MYT1L: variants seen among roughly 807,000 people sequenced by gnomAD.
The protein encoded by MYT1L is myelin transcription factor 1-like protein.
In MYT1L, 12 loss-of-function variants were observed where a neutral mutation model predicts 126.7. The ratio of observed to expected loss-of-function variants is 0.09; its 90% CI spans 0.06 to 0.15. The LOEUF (loss-of-function observed/expected upper bound fraction) is 0.15, where lower values mean the gene tolerates loss of function less well. Among genes scored for constraint, MYT1L ranks in the 10% least tolerant of loss-of-function variants. MYT1L has a pLI of 1.00. For missense variants in MYT1L, 979 were observed against 1,585.2 expected (o/e 0.62, Z 6.49); for synonymous variants, 541 against 604.2 (o/e 0.90, Z 1.53).
chr2:2,204,582 G>A (rs1345112078), intron 2 of MYT1L, among the ~76,000 whole-genome samples: 2 of 142,760 alleles, frequency 1.4e-5, no homozygotes, highest in Admixed American at 1.4e-4. Flanking sequence ...CCACCAGTTA[G>A]AATGGCAATC....
chr2:2,139,424 A>G (rs1488001959), intron 3 of MYT1L, among the ~76,000 whole-genome samples: 1 of 151,916 alleles, frequency 6.6e-6, no homozygotes, highest in East Asian at 1.9e-4. Context: ...GTTCAAGACT[A>G]GCCTGGCCAA....
At position 1,889,028 on chromosome 2, in the gene MYT1L, T is replaced by G. The variant is rs1428250960; in HGVS notation, c.2520+213A>C. Among the ~76,000 whole-genome samples, 1 of 152,220 alleles carries G rather than the reference T, an allele frequency of 6.6e-6. No homozygotes were observed. The highest frequency in any genetic ancestry group is 1.9e-4 in the East Asian group (1 of 5,192). The stretch of plus-strand genomic sequence containing the variant: ...TTGTTAGAAAATAAACTTTATCATT[T>G]ACAAGAGTCAATACTTTGTTTCACT... On this transcript the variant is annotated intron_variant, in intron 16 of 24. Coordinates refer to ENST00000647738, the MANE Select transcript of MYT1L (RefSeq NM_001303052.2). The surrounding 1 kb of genome is among the most constrained non-coding windows in gnomAD (Gnocchi z 4.1).
chr2:1,801,554 A>AT lies in MYT1L; in HGVS notation c.3276+141dup, dbSNP rs2034867859. ...ACGGAATGGTGTCTGCGGAAGACCAATATCATAAGGTGGAAAAATAAAGGA... is the reference window on the plus strand; with the variant it reads ...ACGGAATGGTGTCTGCGGAAGACCAATTATCATAAGGTGGAAAAATAAAGGA... On this transcript the variant is annotated intron_variant, in intron 23 of 24. Transcript: ENST00000647738. The surrounding 1 kb of genome is among the most constrained non-coding windows in gnomAD (Gnocchi z 4.2). 2 of 619,890 alleles carry AT rather than the reference A, an allele frequency of 3.2e-6. No individual in the cohort carries two copies. Among genetic ancestry groups the AT allele is most frequent in the Non-Finnish European group, 5.7e-6 (2 of 351,498 alleles). The allele number at this position is 619,890 out of a possible 1,614,324, so 38.4% of individuals were successfully genotyped here.
At chr2:1,976,868 C>T (rs189890196) in intron 8 of MYT1L, among the ~76,000 whole-genome samples, 225 of 152,256 alleles carry the variant, frequency 1.5e-3, no homozygotes, top group Non-Finnish European at 2.3e-3. Context: ...AACATTTTTG[C>T]ACCGTTTTAC....
At chr2:2,300,946 T>A (rs74473025) in intron 1 of MYT1L, among the ~76,000 whole-genome samples, 3,001 of 152,294 alleles carry the variant, frequency 0.02, 68 homozygotes, top group South Asian at 0.11. Flanking sequence ...GAGCTACTGG[T>A]CACAGCAAGC....
intron 5 of MYT1L, among the ~76,000 whole-genome samples, chr2:1,987,626 C>G (rs1251274074): frequency 6.6e-6 from 1 of 152,190 alleles, no homozygotes; most frequent in African/African-American, 2.4e-5. Context: ...TGAAGCTGGA[C>G]CTAGCAACAG....
rs184389413 is a variant in MYT1L, at chr2:1,874,169, G to A, written c.2711+12370C>T. Among the ~76,000 whole-genome samples, 21 of 147,940 alleles carry A rather than the reference G, an allele frequency of 1.4e-4. No individual in the cohort carries two copies. In the East Asian group the frequency reaches 4.2e-3, roughly 30 times the overall value. On this transcript the variant is annotated intron_variant, in intron 18 of 24. Transcript: ENST00000647738. ...TCCTTTCCCTCCACAAACAACCCAG[G>A]TGTGGAAAACAGGAAACGCTCTTTT...
chr2:2,149,507 A>C (rs571029363), intron 3 of MYT1L, among the ~76,000 whole-genome samples: 1 of 152,278 alleles, frequency 6.6e-6, no homozygotes, highest in South Asian at 2.1e-4. Flanking sequence ...GCTCAACCTC[A>C]TTGTTCTCAG....
intron 3 of MYT1L, among the ~76,000 whole-genome samples, chr2:2,064,342 G>C (rs1258699092): frequency 6.6e-6 from 1 of 152,186 alleles, no homozygotes; most frequent in African/African-American, 2.4e-5. Flanking sequence ...GTGAAATGGA[G>C]TCCACACCAT....
chr2:2,031,063 G>A (rs1189222677), intron 4 of MYT1L, among the ~76,000 whole-genome samples: 3 of 152,170 alleles, frequency 2.0e-5, no homozygotes, highest in Non-Finnish European at 4.4e-5. Flanking sequence ...TCCAAAAACA[G>A]CATGTTTACT....
chr2:2,080,580 C>T (rs528227082), intron 3 of MYT1L, among the ~76,000 whole-genome samples: 22 of 152,234 alleles, frequency 1.4e-4, no homozygotes, highest in African/African-American at 5.1e-4. Flanking sequence ...AGATGCTGAA[C>T]ATCATTTGTC....
At chr2:1,976,617 G>A (rs1362681262) in intron 8 of MYT1L, among the ~76,000 whole-genome samples, 1 of 152,176 alleles carries the variant, frequency 6.6e-6, no homozygotes, top group Non-Finnish European at 1.5e-5. Flanking sequence ...ACTCCAGCCT[G>A]GGCAACAGAG....
intron 2 of MYT1L, among the ~76,000 whole-genome samples, chr2:2,208,147 C>T (rs1415826735): frequency 6.6e-6 from 1 of 152,154 alleles, no homozygotes; most frequent in East Asian, 1.9e-4. Flanking sequence ...CCAGCCGTCT[C>T]AGGGGAAGCC....
intron 4 of MYT1L, among the ~76,000 whole-genome samples, chr2:2,016,743 T>C (rs1348056545): frequency 1.3e-5 from 2 of 152,214 alleles, no homozygotes; most frequent in Non-Finnish European, 1.5e-5. Context: ...TAAATACATA[T>C]GTATGCACAT....
intron 18 of MYT1L, among the ~76,000 whole-genome samples, chr2:1,853,479 T>C (rs2043533395): frequency 6.6e-6 from 1 of 150,468 alleles, no homozygotes; most frequent in Non-Finnish European, 1.5e-5. Flanking sequence ...TGACTGAACT[T>C]AACTAGCTGG....
chr2:2,068,281 C>A (rs2074121348), intron 3 of MYT1L, among the ~76,000 whole-genome samples: 1 of 152,068 alleles, frequency 6.6e-6, no homozygotes, highest in African/African-American at 2.4e-5. Flanking sequence ...GAGGGCTTCC[C>A]CCAGCAGAAA....
intron 1 of MYT1L, among the ~76,000 whole-genome samples, chr2:2,312,526 T>C (rs2095990482): frequency 6.6e-6 from 1 of 152,024 alleles, no homozygotes; most frequent in Middle Eastern, 3.2e-3. Flanking sequence ...GGTGGGAGGA[T>C]TACTTGAACG....
At chr2:1,834,235 C>T (rs1010868775) in intron 21 of MYT1L, among the ~76,000 whole-genome samples, 13 of 152,246 alleles carry the variant, frequency 8.5e-5, no homozygotes, top group East Asian at 1.9e-4. Flanking sequence ...TTGACGTGCC[C>T]GCGGGGGCTT....
intron 8 of MYT1L, among the ~76,000 whole-genome samples, chr2:1,966,151 T>G (rs1183247281): frequency 2.0e-5 from 3 of 152,226 alleles, no homozygotes; most frequent in Non-Finnish European, 1.5e-5. Flanking sequence ...GGTGGCCTAT[T>G]CCTTTATTCA....
Sources: allele counts gnomAD v4.1 joint callset (sites outside exome capture counted in the v4.1 genomes callset), GRCh38; gene constraint gnomAD v4.1.1; non-coding constraint Gnocchi (gnomAD v3.1); transcripts MANE v1.5; gene names NCBI Gene and HGNC (gene_info 2026-07-23, HGNC 2026-07-21).